CLNK: variants seen among roughly 807,000 people sequenced by gnomAD.
CLNK encodes the protein cytokine dependent hematopoietic cell linker.
Under a neutral mutation model 68.6 loss-of-function variants are expected in CLNK, and 74 were observed. The observed-to-expected ratio is 1.08, with a 90% CI of 0.89 to 1.31. The LOEUF (loss-of-function observed/expected upper bound fraction) is 1.31. Among genes scored for constraint, CLNK ranks in the 50% most tolerant of loss-of-function variants. The pLI is 0.00. For missense variants in CLNK, 553 were observed against 515.3 expected, an observed-to-expected ratio of 1.07 and a Z score of -0.71; for synonymous variants, 198 against 172.2, an observed-to-expected ratio of 1.15 and a Z score of -1.17.
chr4:10,676,163 T>G (rs2108899833), intron 1 of CLNK, among the ~76,000 whole-genome samples: 1 of 152,166 alleles, frequency 6.6e-6, no homozygotes, highest in South Asian at 2.1e-4. Context: ...ATGATATTAA[T>G]TTGGTTCCAA....
chr4:10,626,308 C>G (rs947609913), intron 2 of CLNK, among the ~76,000 whole-genome samples: 1 of 152,168 alleles, frequency 6.6e-6, no homozygotes, highest in Non-Finnish European at 1.5e-5. Flanking sequence ...GTTCCTCTCT[C>G]CCCTTTTTGT....
chr4:10,505,081 G>A (rs369446440), intron 17 of CLNK, among the ~76,000 whole-genome samples: 56 of 152,304 alleles, frequency 3.7e-4, no homozygotes, highest in Non-Finnish European at 7.5e-4. Context: ...TTCTTCCGAC[G>A]GAAAACAGGC....
chr4:10,610,230 G>A (rs1409947516), intron 2 of CLNK, among the ~76,000 whole-genome samples: 2 of 149,430 alleles, frequency 1.3e-5, no homozygotes, highest in African/African-American at 4.9e-5. Context: ...CTAATTTTTT[G>A]TATTTTTAGT....
At chr4:10,658,960 T>A (rs1724087911) in intron 2 of CLNK, among the ~76,000 whole-genome samples, 1 of 152,082 alleles carries the variant, frequency 6.6e-6, no homozygotes, top group Non-Finnish European at 1.5e-5. Flanking sequence ...AATTGCCAAT[T>A]TGGGAGGTGA....
At chr4:10,513,890 G>T (rs1717716278) in intron 15 of CLNK, among the ~76,000 whole-genome samples, 1 of 143,960 alleles carries the variant, frequency 6.9e-6, no homozygotes, top group Non-Finnish European at 1.5e-5. Flanking sequence ...TAAATTTTAG[G>T]GTACATGTGC....
At chr4:10,714,619 A>G in the CLNK span, among the ~76,000 whole-genome samples, 63 of 152,232 alleles carry the variant, frequency 4.1e-4, no homozygotes, top group South Asian at 2.1e-4. Context: ...AGCAGCTGGT[A>G]TATATATTCT....
chr4:10,551,371 A>G (rs1719446678), intron 8 of CLNK, among the ~76,000 whole-genome samples: 1 of 151,968 alleles, frequency 6.6e-6, no homozygotes, highest in African/African-American at 2.4e-5. Context: ...CAGTCTCCCA[A>G]GTAGCTGGGA....
intron 8 of CLNK, among the ~76,000 whole-genome samples, chr4:10,547,024 T>C (rs1719258109): frequency 1.3e-5 from 2 of 152,102 alleles, no homozygotes; most frequent in Admixed American, 6.5e-5. Context: ...ATTAACCCAT[T>C]AACCCATTAA....
intron 5 of CLNK, among the ~76,000 whole-genome samples, chr4:10,568,128 AC>A (rs931106542): frequency 6.6e-6 from 1 of 152,224 alleles, no homozygotes; most frequent in African/African-American, 2.4e-5. Context: ...AGTGGAAATA[AC>A]CCAAGTATCC....
chr4:10,685,027 A>G (rs1577220788), upstream of CLNK: 2 of 152,162 alleles, frequency 1.3e-5, no homozygotes, highest in Non-Finnish European at 2.9e-5. Flanking sequence ...AGAACACAAT[A>G]AAAGGAACTG....
intron 4 of CLNK, among the ~76,000 whole-genome samples, chr4:10,581,278 G>A (rs552624869): frequency 2.6e-4 from 40 of 152,062 alleles, no homozygotes; most frequent in African/African-American, 8.4e-4. Flanking sequence ...TTCAGAATAC[G>A]TCCCCATTAG....
In CLNK at chr4:10,513,606, G is replaced by A. The variant is rs766209356; in HGVS notation, c.773-9C>T. The A allele has an allele frequency of 6.3e-6, 10 of 1,587,426 alleles. No homozygotes were observed. Among genetic ancestry groups the A allele is most frequent in the South Asian group, 5.8e-5 (5 of 86,726 alleles). On this transcript the variant is annotated splice_polypyrimidine_tract_variant and intron_variant, in intron 15 of 18. Transcript: ENST00000226951. ...CATGCCTCCTCTATGATCTGGAAAG[G>A]TTAAATTCACATTTCAGTGTGATTT... is the stretch of plus-strand genomic sequence containing the variant.
At chr4:10,675,199 A>G (rs1441125539) in intron 1 of CLNK, among the ~76,000 whole-genome samples, 1 of 152,232 alleles carries the variant, frequency 6.6e-6, no homozygotes, top group African/African-American at 2.4e-5. Flanking sequence ...CCTATATTTT[A>G]GAAAACTAAA....
chr4:10,631,843 T>C (rs1177569650), intron 2 of CLNK, among the ~76,000 whole-genome samples: 3 of 152,224 alleles, frequency 2.0e-5, no homozygotes, highest in East Asian at 1.9e-4. Flanking sequence ...AAAAGGATTT[T>C]CTCAATTCTC....
intron 2 of CLNK, among the ~76,000 whole-genome samples, chr4:10,633,141 T>G (rs1722954247): frequency 6.6e-6 from 1 of 152,196 alleles, no homozygotes; most frequent in African/African-American, 2.4e-5. Context: ...TTTGGCCAGT[T>G]TGGTCAGGCT....
chr4:10,559,565 GCC>G (rs1719809168), intron 7 of CLNK, among the ~76,000 whole-genome samples: 1 of 152,030 alleles, frequency 6.6e-6, no homozygotes, highest in Non-Finnish European at 1.5e-5. Context: ...CAATGCTCAT[GCC>G]CCATGCTGCA....
the CLNK span, among the ~76,000 whole-genome samples, chr4:10,728,287 T>C: frequency 1.3e-5 from 2 of 152,166 alleles, no homozygotes; most frequent in African/African-American, 2.4e-5. Flanking sequence ...TGCCAAACGT[T>C]TTTAGAAGAA....
intron 13 of CLNK, among the ~76,000 whole-genome samples, chr4:10,526,686 A>T (rs967286659): frequency 8.5e-5 from 13 of 152,162 alleles, no homozygotes; most frequent in African/African-American, 3.1e-4. Flanking sequence ...GTCCCTAGCT[A>T]GGTTCCGACC....
At chr4:10,564,107 T>A (rs1720004156) in intron 7 of CLNK, among the ~76,000 whole-genome samples, 2 of 150,654 alleles carry the variant, frequency 1.3e-5, no homozygotes, top group African/African-American at 2.4e-5. Flanking sequence ...ATTTTTTCTT[T>A]TTTTTTTTTT....
Sources: gnomAD v4.1 joint callset for allele counts (sites outside exome capture counted in the v4.1 genomes callset) on GRCh38, gnomAD v4.1.1 for gene constraint, MANE v1.5 for transcripts, NCBI Gene and HGNC (gene_info 2026-07-23, HGNC 2026-07-21) for gene names.